Variants in UTRN observed in about 807,000 individuals in gnomAD.
UTRN encodes utrophin, also known as dystrophin-related protein 1.
Under a neutral mutation model 463.9 loss-of-function variants are expected in UTRN, and 283 were observed. The ratio of observed to expected loss-of-function variants is 0.61; its 90% CI spans 0.55 to 0.67. The LOEUF (loss-of-function observed/expected upper bound fraction) is 0.67, where lower values mean the gene tolerates loss of function less well. Ranked by LOEUF, UTRN falls within the 30% of genes least tolerant of loss-of-function variation. The pLI, the probability that UTRN is intolerant of heterozygous loss-of-function variation, is 0.00. For synonymous variants in UTRN, 1,442 were observed against 1,431.5 expected (o/e 1.01, Z -0.17); for missense variants, 3,922 against 4,084.3 (o/e 0.96, Z 1.08).
chr6:144,674,062 C>T (rs1027193464), intron 51 of UTRN, among the ~76,000 whole-genome samples: 7 of 152,160 alleles, frequency 4.6e-5, no homozygotes, highest in African/African-American at 1.7e-4. Flanking sequence ...GCTTTTGCCT[C>T]ACAGCTCTTA....
At chr6:144,744,122 T>TA (rs551256455) in intron 54 of UTRN, among the ~76,000 whole-genome samples, 120 of 108,062 alleles carry the variant, frequency 1.1e-3, no homozygotes, top group Middle Eastern at 4.8e-3. Flanking sequence ...ACCTCATCCC[T>TA]AAAAAAAAAA....
intron 54 of UTRN, among the ~76,000 whole-genome samples, chr6:144,737,937 A>G (rs1026686336): frequency 6.6e-6 from 1 of 152,040 alleles, no homozygotes; most frequent in Non-Finnish European, 1.5e-5. Flanking sequence ...CAACTTTCAT[A>G]TTCATTCTCC....
chr6:144,516,748 G>A (rs1391501921), intron 38 of UTRN, 63 bp from the exon 39 acceptor site: 1 of 1,315,774 alleles, frequency 7.6e-7, no homozygotes, highest in Non-Finnish European at 9.8e-7. Flanking sequence ...CTTAGGAGTT[G>A]ATAGGAAGTG....
intron 2 of UTRN, among the ~76,000 whole-genome samples, chr6:144,301,608 A>G (rs1363103374): frequency 1.4e-5 from 2 of 143,090 alleles, no homozygotes; most frequent in Non-Finnish European, 3.0e-5. Flanking sequence ...CAGTGACTCA[A>G]TTTCAGCCCT....
At position 144,771,925 on chromosome 6, in the gene UTRN, C is replaced by T; in HGVS notation, c.8514C>T (p.Thr2838=). The T allele has an allele frequency of 6.3e-7, 1 of 1,590,476 alleles. No homozygotes were observed. Among genetic ancestry groups the T allele is most frequent in the Non-Finnish European group, 8.5e-7 (1 of 1,171,402 alleles). ...PYYINHQTQT[T]CWDHPKMTEL... ...TTTCCAGCCATCAAACACAGACCAC[C>T]TGTTGGGACCATCCTAAAATGACCG... The change falls in exon 59 of 75, where the codon ACC becomes ACT. Residue 2838 remains threonine, a synonymous_variant. Coordinates refer to ENST00000367545, the MANE Select transcript of UTRN (RefSeq NM_007124.3).
At chr6:144,343,750 TAA>T (rs1777331307) in intron 2 of UTRN, among the ~76,000 whole-genome samples, 1 of 152,086 alleles carries the variant, frequency 6.6e-6, no homozygotes, top group Non-Finnish European at 1.5e-5. Flanking sequence ...AGTGAAATAA[TAA>T]GTCCAATTTA....
At chr6:144,422,036 G>A in intron 4 of UTRN, 66 bp downstream of exon 4, 1 of 1,351,038 alleles carries the variant, frequency 7.4e-7, no homozygotes, top group Non-Finnish European at 1.0e-6. Context: ...GACCCAGTGT[G>A]GGTACCCATT....
chr6:144,711,883 G>A (rs180836321), intron 53 of UTRN, among the ~76,000 whole-genome samples: 4 of 152,110 alleles, frequency 2.6e-5, no homozygotes, highest in African/African-American at 9.6e-5. Context: ...GAATTGCCAA[G>A]AAACATTAGC....
chr6:144,661,190 G>A (rs4896735), intron 51 of UTRN, among the ~76,000 whole-genome samples: 88,614 of 151,996 alleles, frequency 0.58, 27,517 homozygotes, highest in East Asian at 0.86. Flanking sequence ...TGTAGAAGCG[G>A]GACTGGATTG....
chr6:144,488,309 A>G (rs1458075071), intron 29 of UTRN, among the ~76,000 whole-genome samples: 1 of 152,168 alleles, frequency 6.6e-6, no homozygotes, highest in Admixed American at 6.5e-5. Context: ...GTGTATTGAT[A>G]GACATTTTTC....
intron 2 of UTRN, among the ~76,000 whole-genome samples, chr6:144,375,047 A>G (rs1286414200): frequency 6.6e-6 from 1 of 151,158 alleles, no homozygotes; most frequent in Non-Finnish European, 1.5e-5. Context: ...CCCATAGTTA[A>G]ACAAGGAGTT....
chr6:144,825,186 A>G (rs867681428), intron 66 of UTRN, among the ~76,000 whole-genome samples: 28 of 152,284 alleles, frequency 1.8e-4, no homozygotes, highest in Middle Eastern at 3.4e-3. Context: ...GTTACATTTC[A>G]TATAATATCT....
chr6:144,601,297 T>G (rs1804222256), intron 51 of UTRN, among the ~76,000 whole-genome samples: 1 of 152,226 alleles, frequency 6.6e-6, no homozygotes, highest in Non-Finnish European at 1.5e-5. Context: ...TTGGGCAAAG[T>G]AAGTTGAAAA....
At chr6:144,743,666 GT>G (rs1168856949) in intron 54 of UTRN, among the ~76,000 whole-genome samples, 1 of 152,202 alleles carries the variant, frequency 6.6e-6, no homozygotes, top group African/African-American at 2.4e-5. Flanking sequence ...TCCAGCTTTG[GT>G]TTTTCACCTG....
At chr6:144,626,009 T>G (rs193245019) in intron 51 of UTRN, among the ~76,000 whole-genome samples, 1 of 152,212 alleles carries the variant, frequency 6.6e-6, no homozygotes, top group African/African-American at 2.4e-5. Context: ...TCAGACAATA[T>G]TTCTATAGCT....
At chr6:144,621,191 G>A (rs1357247259) in intron 51 of UTRN, among the ~76,000 whole-genome samples, 1 of 152,104 alleles carries the variant, frequency 6.6e-6, no homozygotes, top group Non-Finnish European at 1.5e-5. Context: ...ACGCCTATTT[G>A]TAATATTCAT....
intron 66 of UTRN, among the ~76,000 whole-genome samples, chr6:144,821,731 G>T (rs764290782): frequency 6.6e-6 from 1 of 152,028 alleles, no homozygotes; most frequent in African/African-American, 2.4e-5. Context: ...AAAATGCAAA[G>T]AAGTAATTTT....
chr6:144,667,236 T>C (rs1780511259), intron 51 of UTRN, among the ~76,000 whole-genome samples: 1 of 152,028 alleles, frequency 6.6e-6, no homozygotes, highest in Non-Finnish European at 1.5e-5. Context: ...TTTCTATTTT[T>C]ATGAGAGATG....
intron 19 of UTRN, among the ~76,000 whole-genome samples, chr6:144,454,241 G>T (rs1392725817): frequency 6.6e-6 from 1 of 152,108 alleles, no homozygotes; most frequent in Non-Finnish European, 1.5e-5. Context: ...TTTGGGAAAC[G>T]AAGTTACGTT....
Sources: allele counts gnomAD v4.1 joint callset (sites outside exome capture counted in the v4.1 genomes callset), GRCh38; gene constraint gnomAD v4.1.1; transcripts MANE v1.5; gene names NCBI Gene and HGNC (gene_info 2026-07-23, HGNC 2026-07-21).